Variants in CLINT1 observed in about 807,000 individuals in gnomAD.
CLINT1 encodes clathrin interacting protein localized in the trans-Golgi region.
In CLINT1, 15 loss-of-function variants were observed where a neutral mutation model predicts 70.4. The ratio of observed to expected loss-of-function variants is 0.21; its 90% CI spans 0.14 to 0.33. The LOEUF is 0.33. CLINT1 is among the 10% of genes least tolerant of loss of function. CLINT1 has a pLI of 1.00. For missense variants in CLINT1, 615 were observed against 778.1 expected (o/e 0.79, Z 2.49); for synonymous variants, 227 against 254.7 (o/e 0.89, Z 1.04).
At chr5:157,830,798 A>C (rs3104696) in intron 1 of CLINT1, among the ~76,000 whole-genome samples, 10,708 of 92,282 alleles carry the variant, frequency 0.12, 337 homozygotes, top group East Asian at 0.16. Flanking sequence ...CTCTCTCTCT[A>C]TATATATATA....
chr5:157,832,980 T>C (rs1763291818), intron 1 of CLINT1, among the ~76,000 whole-genome samples: 2 of 152,336 alleles, frequency 1.3e-5, no homozygotes, highest in East Asian at 1.9e-4. Context: ...AAGAGAGCTC[T>C]TGATGAAATA....
intron 1 of CLINT1, among the ~76,000 whole-genome samples, chr5:157,855,822 C>T (rs185698781): frequency 2.7e-4 from 41 of 152,128 alleles, no homozygotes; most frequent in African/African-American, 7.2e-4. Context: ...GTAATTCCAG[C>T]TACTAGGGAG....
chr5:157,805,296 T>A lies in CLINT1; in HGVS notation c.942+570A>T, dbSNP rs533076393. 3.0e-4 allele frequency among the ~76,000 whole-genome samples: 46 copies of A among 152,336 alleles called. No individual in the cohort carries two copies. In the South Asian group the frequency reaches 8.1e-3, roughly 27 times the overall value. ...GAGGCAAATCTCCCTATTTGGCAGA[T>A]TTCTGTTGAAAAGACTAGGGTTTGG... On this transcript the variant is annotated intron_variant, in intron 7 of 11. Transcript: ENST00000411809.
At chr5:157,856,813 C>T (rs552222430) in intron 1 of CLINT1, among the ~76,000 whole-genome samples, 16 of 152,152 alleles carry the variant, frequency 1.1e-4, no homozygotes, top group Non-Finnish European at 2.1e-4. Context: ...AGTCTACATC[C>T]TAAATTGGGT....
intron 8 of CLINT1, chr5:157,795,744 A>G (rs938737987): frequency 3.3e-5 from 5 of 152,230 alleles, no homozygotes; most frequent in African/African-American, 1.2e-4. Context: ...AAATCATTTT[A>G]GAGTCTGGTG....
rs1762300384 is a variant in CLINT1 at position 157,803,708 on chromosome 5, A to G, written c.954T>C (p.Pro318=). The G allele has an allele frequency of 1.9e-6, 3 of 1,553,950 alleles. No homozygotes were observed. In the South Asian group the frequency reaches 3.8e-5, roughly 20 times the overall value. Residue 318 remains proline, a synonymous_variant, in exon 8 of 12, where the codon CCT becomes CCC. Transcript: ENST00000411809. ...TPQSSVKTSV[P]SSKSSGDLVD... ...CAAGGTCACCAGATGACTTGCTGCTAGGCACTGAAGTCTGAAAACACACAC... is the reference window on the plus strand; with the variant it reads ...CAAGGTCACCAGATGACTTGCTGCTGGGCACTGAAGTCTGAAAACACACAC...
intron 1 of CLINT1, among the ~76,000 whole-genome samples, chr5:157,839,089 TGTG>T (rs1466492705): frequency 5.3e-5 from 8 of 151,746 alleles, no homozygotes; most frequent in African/African-American, 1.9e-4. Context: ...ATTGGCCAGA[TGTG>T]GTGGTGTATG....
chr5:157,798,172 A>G (rs1026382185), intron 8 of CLINT1, among the ~76,000 whole-genome samples: 10 of 152,224 alleles, frequency 6.6e-5, no homozygotes, highest in Non-Finnish European at 1.5e-4. Flanking sequence ...TATGATATTC[A>G]TACCAAATTC....
chr5:157,813,031 T>C, intron 5 of CLINT1, 32 bp downstream of exon 5: 1 of 1,593,300 alleles, frequency 6.3e-7, no homozygotes, highest in South Asian at 1.1e-5. Flanking sequence ...GCTAAGCTGA[T>C]GCTTAGGTGT....
chr5:157,792,621 T>C (rs1313307301), intron 9 of CLINT1, among the ~76,000 whole-genome samples: 2 of 152,196 alleles, frequency 1.3e-5, no homozygotes, highest in Non-Finnish European at 2.9e-5. Flanking sequence ...CCTTAGCACA[T>C]TGCCTGCTTC....
intron 8 of CLINT1, among the ~76,000 whole-genome samples, chr5:157,803,308 G>C (rs1166010723): frequency 1.3e-5 from 2 of 152,140 alleles, no homozygotes; most frequent in African/African-American, 4.8e-5. Context: ...ATTAATTAGG[G>C]AAGACACAGT....
At chr5:157,846,405 T>C (rs573222397) in intron 1 of CLINT1, among the ~76,000 whole-genome samples, 60 of 152,304 alleles carry the variant, frequency 3.9e-4, no homozygotes, top group Non-Finnish European at 7.5e-4. Context: ...AGCCAAAGCC[T>C]AATCCAGAGC....
intron 10 of CLINT1, among the ~76,000 whole-genome samples, chr5:157,791,211 A>AC (rs1230482631): frequency 6.6e-6 from 1 of 152,118 alleles, no homozygotes; most frequent in East Asian, 1.9e-4. Flanking sequence ...GGTGCCTGCC[A>AC]CCATGCCTGG....
At chr5:157,824,661 C>T (rs1416647362) in intron 1 of CLINT1, among the ~76,000 whole-genome samples, 1 of 152,190 alleles carries the variant, frequency 6.6e-6, no homozygotes, top group Non-Finnish European at 1.5e-5. Flanking sequence ...GTACTCCCTC[C>T]ATATTGCAAG....
intron 8 of CLINT1, among the ~76,000 whole-genome samples, chr5:157,800,955 C>A (rs1404528413): frequency 6.6e-6 from 1 of 152,148 alleles, no homozygotes; most frequent in African/African-American, 2.4e-5. Context: ...ATGAAAGGGG[C>A]CCTTTAAATA....
At chr5:157,852,008 T>C (rs993876965) in intron 1 of CLINT1, among the ~76,000 whole-genome samples, 5 of 152,242 alleles carry the variant, frequency 3.3e-5, no homozygotes, top group African/African-American at 7.2e-5. Context: ...TGTTTGTCCA[T>C]TGTCAAACAC....
At chr5:157,838,130 T>G (rs927274245) in intron 1 of CLINT1, among the ~76,000 whole-genome samples, 8 of 150,786 alleles carry the variant, frequency 5.3e-5, no homozygotes, top group East Asian at 1.9e-4. Context: ...TTGTTTTTTT[T>G]TTTTTTTTGA....
intron 1 of CLINT1, among the ~76,000 whole-genome samples, chr5:157,850,948 C>A (rs1753551652): frequency 6.6e-6 from 1 of 152,032 alleles, no homozygotes; most frequent in Non-Finnish European, 1.5e-5. Flanking sequence ...GCATGCATCA[C>A]CATGTCCGGC....
At chr5:157,845,396 A>G (rs1753336050) in intron 1 of CLINT1, among the ~76,000 whole-genome samples, 1 of 151,666 alleles carries the variant, frequency 6.6e-6, no homozygotes, top group Non-Finnish European at 1.5e-5. Flanking sequence ...AGTACTATAA[A>G]TTTTTCCCAA....
Sources: gnomAD v4.1 joint callset for allele counts (sites outside exome capture counted in the v4.1 genomes callset) on GRCh38, gnomAD v4.1.1 for gene constraint, MANE v1.5 for transcripts, NCBI Gene and HGNC (gene_info 2026-07-23, HGNC 2026-07-21) for gene names.